ZCCHC7: variants seen among roughly 807,000 people sequenced by gnomAD.
ZCCHC7 encodes the protein zinc finger CCHC-type containing 7.
ZCCHC7 carries 35 observed loss-of-function variants against 52.0 expected under a neutral mutation model. The ratio of observed to expected loss-of-function variants is 0.67; its 90% CI spans 0.51 to 0.89. ZCCHC7 has a LOEUF of 0.89. Ranked by LOEUF, ZCCHC7 falls within the 40% of genes least tolerant of loss-of-function variation. The probability of loss-of-function intolerance (pLI) is 0.00; values close to 1 mark genes in which losing one functional copy is unlikely to be tolerated. For synonymous variants in ZCCHC7, 217 were observed against 221.5 expected, an observed-to-expected ratio of 0.98 and a Z score of 0.18; for missense variants, 574 against 649.1, an observed-to-expected ratio of 0.88 and a Z score of 1.26.
At chr9:37,157,507 A>G (rs1478180925) in intron 2 of ZCCHC7, among the ~76,000 whole-genome samples, 1 of 152,044 alleles carries the variant, frequency 6.6e-6, no homozygotes, top group African/African-American at 2.4e-5. Flanking sequence ...AAAGAAGTTA[A>G]CCTACAGAAT....
chr9:37,161,591 A>C (rs1171183368), intron 2 of ZCCHC7, among the ~76,000 whole-genome samples: 4 of 152,102 alleles, frequency 2.6e-5, no homozygotes. Flanking sequence ...AAAAGAAAAA[A>C]AAGTGGCACA....
At chr9:37,221,384 A>G (rs1436710011) in intron 2 of ZCCHC7, among the ~76,000 whole-genome samples, 1 of 152,242 alleles carries the variant, frequency 6.6e-6, no homozygotes, top group East Asian at 1.9e-4. Context: ...AGCAGCTATT[A>G]TAAATGACAT....
chr9:37,321,852 G>A (rs556781983), intron 5 of ZCCHC7, among the ~76,000 whole-genome samples: 2 of 152,032 alleles, frequency 1.3e-5, no homozygotes, highest in Non-Finnish European at 2.9e-5. Flanking sequence ...AAAACTTCTG[G>A]TTCCTGCTAG....
chr9:37,128,072 A>G (rs377403694), intron 2 of ZCCHC7, among the ~76,000 whole-genome samples: 1 of 152,338 alleles, frequency 6.6e-6, no homozygotes, highest in South Asian at 2.1e-4. Flanking sequence ...AGAATCGCGT[A>G]AAGTTTTTTC....
chr9:37,212,619 TCAGCTTAAGG>T (rs1470534406), intron 2 of ZCCHC7, among the ~76,000 whole-genome samples: 1 of 152,134 alleles, frequency 6.6e-6, no homozygotes, highest in Non-Finnish European at 1.5e-5. Context: ...GGCTCTGGTA[TCAGCTTAAGG>T]CAGCCCAGCC....
chr9:37,162,595 T>C (rs1025657667), intron 2 of ZCCHC7, among the ~76,000 whole-genome samples: 12 of 152,256 alleles, frequency 7.9e-5, no homozygotes, highest in Non-Finnish European at 1.8e-4. Context: ...TTGATTGTGG[T>C]TATCCCACAG....
intron 7 of ZCCHC7, 82 bp downstream of exon 7, chr9:37,349,534 C>A: frequency 1.6e-6 from 2 of 1,282,940 alleles, no homozygotes; most frequent in South Asian, 1.3e-5. Context: ...AAGAATGTAA[C>A]TCTAAATACT....
intron 3 of ZCCHC7, among the ~76,000 whole-genome samples, chr9:37,302,629 T>C (rs1233144018): frequency 6.6e-6 from 1 of 152,258 alleles, no homozygotes; most frequent in Non-Finnish European, 1.5e-5. Flanking sequence ...AGAATAATTT[T>C]ATAACTTGGT....
intron 5 of ZCCHC7, among the ~76,000 whole-genome samples, chr9:37,314,948 A>G (rs931415420): frequency 6.6e-6 from 1 of 152,050 alleles, no homozygotes; most frequent in Non-Finnish European, 1.5e-5. Context: ...TGTTGTACTA[A>G]TCAATCCTAG....
intron 5 of ZCCHC7, among the ~76,000 whole-genome samples, chr9:37,307,491 G>A (rs965811853): frequency 6.6e-5 from 10 of 152,054 alleles, no homozygotes; most frequent in Non-Finnish European, 1.5e-4. Flanking sequence ...TGAAAGGGGT[G>A]TCTCTCATTC....
At chr9:37,166,271 C>G (rs1821414147) in intron 2 of ZCCHC7, among the ~76,000 whole-genome samples, 1 of 152,054 alleles carries the variant, frequency 6.6e-6, no homozygotes, top group African/African-American at 2.4e-5. Flanking sequence ...TGGTGCACAC[C>G]TGTAGTCCCA....
chr9:37,155,860 C>T lies in ZCCHC7; in HGVS notation c.610+28918C>T, dbSNP rs147405894. ...CCTCTCTGTTGTGCATTGTAGATGCCTCATCACTTCATAAATATTTATTGA... is the reference window on the plus strand; with the variant it reads ...CCTCTCTGTTGTGCATTGTAGATGCTTCATCACTTCATAAATATTTATTGA... On this transcript the variant is annotated intron_variant, in intron 2 of 8. Coordinates refer to ENST00000336755, the MANE Select transcript of ZCCHC7 (RefSeq NM_032226.3). Among the ~76,000 whole-genome samples, 227 of 152,258 alleles carry T rather than the reference C, an allele frequency of 1.5e-3. 1 individual carries two copies. The highest frequency in any genetic ancestry group is 5.2e-3 in the African/African-American group (217 of 41,532).
chr9:37,182,047 A>G (rs1822384157), intron 2 of ZCCHC7, among the ~76,000 whole-genome samples: 1 of 152,176 alleles, frequency 6.6e-6, no homozygotes, highest in African/African-American at 2.4e-5. Flanking sequence ...GTTGAAATAT[A>G]TAAATTGTTG....
rs117450901 is a variant in ZCCHC7 at position 37,255,938 on chromosome 9, T to C, written c.611-46250T>C. 8.5e-5 allele frequency among the ~76,000 whole-genome samples: 13 copies of C among 152,312 alleles called. No homozygotes were observed. In the East Asian group the frequency reaches 2.5e-3, roughly 29 times the overall value. ...AATCCTAAATTAATGATTATCACTA[T>C]AACAGATTTTTCTTTACTTCTTTCC... On this transcript the variant is annotated intron_variant, in intron 2 of 8. Coordinates refer to ENST00000336755, the MANE Select transcript of ZCCHC7 (RefSeq NM_032226.3).
intron 5 of ZCCHC7, among the ~76,000 whole-genome samples, chr9:37,311,440 CAG>C (rs376844469): frequency 2.7e-3 from 415 of 152,072 alleles, no homozygotes; most frequent in African/African-American, 9.3e-3. Flanking sequence ...ATCTTTGAAA[CAG>C]AGTCTCACTC....
At position 37,154,757 on chromosome 9, in the gene ZCCHC7, A is replaced by G. The variant is rs556548681; in HGVS notation, c.610+27815A>G. 7.2e-5 allele frequency among the ~76,000 whole-genome samples: 11 copies of G among 152,032 alleles called. 1 individual carries two copies. The East Asian group carries it at 1.4e-3, about 19-fold the overall frequency. On this transcript the variant is annotated intron_variant, in intron 2 of 8. Coordinates refer to ENST00000336755, the MANE Select transcript of ZCCHC7 (RefSeq NM_032226.3). ...CCATCTATCTGCCTCTGCCTCCCCAATGCTGGGATTACAGGTGTGAGCCAC... is the reference window on the plus strand; with the variant it reads ...CCATCTATCTGCCTCTGCCTCCCCAGTGCTGGGATTACAGGTGTGAGCCAC...
At chr9:37,133,031 G>C (rs889934646) in intron 2 of ZCCHC7, among the ~76,000 whole-genome samples, 1 of 152,198 alleles carries the variant, frequency 6.6e-6, no homozygotes, top group African/African-American at 2.4e-5. Context: ...CAGCCTCAGA[G>C]GCTGAGGCAG....
chr9:37,165,790 CTG>C (rs1821386273), intron 2 of ZCCHC7, among the ~76,000 whole-genome samples: 1 of 152,128 alleles, frequency 6.6e-6, no homozygotes, highest in African/African-American at 2.4e-5. Flanking sequence ...AATATAAAAA[CTG>C]TTCTTGGAGT....
chr9:37,204,932 A>C (rs957754395), intron 2 of ZCCHC7, among the ~76,000 whole-genome samples: 4 of 152,174 alleles, frequency 2.6e-5, no homozygotes, highest in Admixed American at 1.3e-4. Context: ...CATGTCTGCT[A>C]TGGTTTGAAT....
Sources: gnomAD v4.1 joint callset for allele counts (sites outside exome capture counted in the v4.1 genomes callset) on GRCh38, gnomAD v4.1.1 for gene constraint, MANE v1.5 for transcripts, NCBI Gene and HGNC (gene_info 2026-07-23, HGNC 2026-07-21) for gene names.